Variants in B4GALT5 observed in about 807,000 individuals in gnomAD.
B4GALT5 encodes the protein UDP-Gal:beta-GlcNAc beta-1,4-galactosyltransferase 5.
In B4GALT5, 11 loss-of-function variants were observed where a neutral mutation model predicts 45.0. The ratio of observed to expected loss-of-function variants is 0.24; its 90% CI spans 0.15 to 0.40. The LOEUF (loss-of-function observed/expected upper bound fraction) is 0.40, where lower values mean the gene tolerates loss of function less well. Among genes scored for constraint, B4GALT5 ranks in the 10% least tolerant of loss-of-function variants. B4GALT5 has a pLI of 1.00. For missense variants in B4GALT5, 337 were observed against 500.2 expected (o/e 0.67, Z 3.11); for synonymous variants, 185 against 182.9 (o/e 1.01, Z -0.09).
intron 1 of B4GALT5, among the ~76,000 whole-genome samples, chr20:49,660,324 ACAATG>A (rs1189556138): frequency 1.3e-5 from 2 of 152,216 alleles, no homozygotes; most frequent in African/African-American, 4.8e-5. Context: ...TTGGAGATTC[ACAATG>A]CACAATAACT....
intron 5 of B4GALT5, among the ~76,000 whole-genome samples, chr20:49,642,161 A>G (rs577094509): frequency 3.3e-5 from 5 of 152,322 alleles, no homozygotes; most frequent in Non-Finnish European, 7.4e-5. Context: ...ACCTTGCTGC[A>G]GCTCTTTATC....
intron 1 of B4GALT5, among the ~76,000 whole-genome samples, chr20:49,671,114 C>T (rs1258121664): frequency 6.6e-6 from 1 of 152,186 alleles, no homozygotes; most frequent in Non-Finnish European, 1.5e-5. Flanking sequence ...CACGGTGGCT[C>T]ATGCCTATAA....
At chr20:49,712,415 G>A (rs866993266) in intron 1 of B4GALT5, among the ~76,000 whole-genome samples, 195 of 148,600 alleles carry the variant, frequency 1.3e-3, no homozygotes, top group African/African-American at 4.6e-3. Context: ...ATCTCTTCCT[G>A]TCCTAACTGG....
intron 3 of B4GALT5, among the ~76,000 whole-genome samples, chr20:49,644,841 C>T (rs1174752831): frequency 6.6e-6 from 1 of 152,070 alleles, no homozygotes; most frequent in East Asian, 1.9e-4. Context: ...CTATTTCTAA[C>T]ATTTTCCCTA....
intron 1 of B4GALT5, among the ~76,000 whole-genome samples, chr20:49,713,036 G>A (rs1263608637): frequency 1.3e-5 from 2 of 151,554 alleles, no homozygotes; most frequent in African/African-American, 4.9e-5. Flanking sequence ...AGGGGAGGGA[G>A]GGGGCTCACG....
At chr20:49,694,795 G>C (rs530965466) in intron 1 of B4GALT5, among the ~76,000 whole-genome samples, 1 of 143,852 alleles carries the variant, frequency 7.0e-6, no homozygotes, top group Non-Finnish European at 1.5e-5. Flanking sequence ...TTTCATCCAC[G>C]AGGAAAACCC....
intron 1 of B4GALT5, among the ~76,000 whole-genome samples, chr20:49,712,388 T>A (rs574804044): frequency 1.3e-5 from 2 of 150,446 alleles, no homozygotes; most frequent in South Asian, 4.3e-4. Flanking sequence ...TTAACCTTCA[T>A]GCTGTCTTTC....
chr20:49,650,637 TAAAC>T (rs150243530), intron 2 of B4GALT5, among the ~76,000 whole-genome samples: 2,436 of 151,844 alleles, frequency 0.016, 36 homozygotes, highest in East Asian at 0.082. Context: ...AACTCCATCA[TAAAC>T]AAACAAACAA....
intron 1 of B4GALT5, among the ~76,000 whole-genome samples, chr20:49,686,236 T>G (rs937568300): frequency 3.9e-5 from 6 of 152,250 alleles, no homozygotes; most frequent in Admixed American, 1.3e-4. Context: ...GCTCTAATTC[T>G]GATCTCTTTA....
At chr20:49,648,104 T>C (rs2085606624) in intron 2 of B4GALT5, among the ~76,000 whole-genome samples, 2 of 152,248 alleles carry the variant, frequency 1.3e-5, no homozygotes, top group Admixed American at 1.3e-4. Flanking sequence ...TACTATATTC[T>C]TGTTTCATGT....
intron 5 of B4GALT5, 114 bp downstream of exon 5, chr20:49,642,354 C>G (rs919898659): frequency 7.5e-6 from 6 of 798,674 alleles, no homozygotes; most frequent in African/African-American, 6.9e-5. Context: ...TCAGGCAACT[C>G]GATCCTAAGA....
chr20:49,639,843 G>GT, intron 6 of B4GALT5, 43 bp from the exon 7 acceptor site: 1 of 1,603,894 alleles, frequency 6.2e-7, no homozygotes, highest in Non-Finnish European at 8.5e-7. Context: ...GTGTTACAGG[G>GT]TAACTGTTTT....
At chr20:49,712,017 T>C (rs554051504) in intron 1 of B4GALT5, among the ~76,000 whole-genome samples, 9 of 152,270 alleles carry the variant, frequency 5.9e-5, no homozygotes, top group East Asian at 5.8e-4. Flanking sequence ...TCTAGCAGAA[T>C]TTACTCTCCC....
At chr20:49,667,783 G>A (rs1013076310) in intron 1 of B4GALT5, among the ~76,000 whole-genome samples, 1 of 152,168 alleles carries the variant, frequency 6.6e-6, no homozygotes, top group African/African-American at 2.4e-5. Context: ...AGGAGTGGGT[G>A]CCAATACTCA....
intron 1 of B4GALT5, among the ~76,000 whole-genome samples, chr20:49,703,189 A>G (rs1443846597): frequency 6.7e-6 from 1 of 148,574 alleles, no homozygotes; most frequent in Non-Finnish European, 1.5e-5. Context: ...AAAAAAAGTG[A>G]TTACTGCATA....
chr20:49,638,753 T>A (rs1173477900), intron 7 of B4GALT5, among the ~76,000 whole-genome samples: 1 of 152,060 alleles, frequency 6.6e-6, no homozygotes, highest in East Asian at 1.9e-4. Context: ...AATGACTACA[T>A]TCGCTTATAG....
intron 2 of B4GALT5, among the ~76,000 whole-genome samples, chr20:49,652,792 T>C (rs533003783): frequency 7.2e-5 from 11 of 152,366 alleles, no homozygotes; most frequent in Admixed American, 5.9e-4. Flanking sequence ...CCCTGGGCTT[T>C]TGAGCTATGC....
intron 1 of B4GALT5, among the ~76,000 whole-genome samples, chr20:49,680,597 T>C (rs1313045852): frequency 6.6e-6 from 1 of 152,062 alleles, no homozygotes; most frequent in African/African-American, 2.4e-5. Context: ...TATTAGAAGT[T>C]GCGGAGAAGG....
At chr20:49,696,973 T>C (rs992292975) in intron 1 of B4GALT5, among the ~76,000 whole-genome samples, 17 of 152,214 alleles carry the variant, frequency 1.1e-4, no homozygotes, top group African/African-American at 3.9e-4. Flanking sequence ...GCAGATGGTT[T>C]TACTATTTTA....
Sources: allele counts gnomAD v4.1 joint callset (sites outside exome capture counted in the v4.1 genomes callset), GRCh38; gene constraint gnomAD v4.1.1; transcripts MANE v1.5; gene names NCBI Gene and HGNC (gene_info 2026-07-23, HGNC 2026-07-21).